Variants in SLC35F3 observed in about 807,000 individuals in gnomAD.
SLC35F3 encodes solute carrier family 35 member F3, also known as putative thiamine transporter SLC35F3.
In SLC35F3, 25 loss-of-function variants were observed where a neutral mutation model predicts 49.9. The observed-to-expected ratio is 0.50, with a 90% CI of 0.37 to 0.70. The LOEUF is 0.70. Ranked by LOEUF, SLC35F3 falls within the 30% of genes least tolerant of loss-of-function variation. The probability of loss-of-function intolerance (pLI) is 0.00; values close to 1 mark genes in which losing one functional copy is unlikely to be tolerated. For missense variants in SLC35F3, 525 were observed against 639.8 expected, an observed-to-expected ratio of 0.82 and a Z score of 1.94; for synonymous variants, 275 against 265.4, an observed-to-expected ratio of 1.04 and a Z score of -0.35.
chr1:233,971,957 C>G (rs1316806710), intron 2 of SLC35F3, among the ~76,000 whole-genome samples: 1 of 152,244 alleles, frequency 6.6e-6, no homozygotes, highest in Non-Finnish European at 1.5e-5. Flanking sequence ...AGCGTGCTGG[C>G]CTGCACAATG....
intron 2 of SLC35F3, among the ~76,000 whole-genome samples, chr1:234,090,442 A>G (rs1016029533): frequency 6.6e-6 from 1 of 152,266 alleles, no homozygotes; most frequent in Admixed American, 6.5e-5. Flanking sequence ...TTTTTTATTC[A>G]CAAGGCTGCA....
chr1:234,299,403 G>A (rs775865618), intron 3 of SLC35F3, among the ~76,000 whole-genome samples: 1 of 152,138 alleles, frequency 6.6e-6, no homozygotes, highest in Admixed American at 6.5e-5. Flanking sequence ...TGACTAGTAT[G>A]AACCAGTCAA....
At chr1:234,293,204 C>T (rs1480418258) in intron 3 of SLC35F3, among the ~76,000 whole-genome samples, 1 of 152,222 alleles carries the variant, frequency 6.6e-6, no homozygotes, top group Non-Finnish European at 1.5e-5. Context: ...TGTCCATAGA[C>T]TCCAAGTGCA....
intron 2 of SLC35F3, among the ~76,000 whole-genome samples, chr1:234,033,509 AT>A (rs1203568970): frequency 3.3e-5 from 5 of 152,178 alleles, no homozygotes; most frequent in African/African-American, 1.2e-4. Flanking sequence ...TAAGTCTTTG[AT>A]CCATCTCGAG....
chr1:233,905,162 C>T, intron 1 of SLC35F3, 32 bp downstream of exon 1: 2 of 1,549,518 alleles, frequency 1.3e-6, no homozygotes, highest in Middle Eastern at 1.7e-4. Context: ...GGTGAGCGAG[C>T]CGGCGGGCGG....
intron 2 of SLC35F3, among the ~76,000 whole-genome samples, chr1:234,058,985 G>A (rs1664498116): frequency 6.6e-6 from 1 of 151,982 alleles, no homozygotes; most frequent in Non-Finnish European, 1.5e-5. Context: ...ATTCCCTTAT[G>A]ATACTTTATA....
chr1:234,233,298 T>C (rs887924780), intron 3 of SLC35F3, among the ~76,000 whole-genome samples: 1 of 152,276 alleles, frequency 6.6e-6, no homozygotes, highest in African/African-American at 2.4e-5. Flanking sequence ...TCATTAAAAC[T>C]GATTAGGATG....
intron 2 of SLC35F3, among the ~76,000 whole-genome samples, chr1:234,052,207 G>T (rs931119164): frequency 6.6e-6 from 1 of 152,166 alleles, no homozygotes; most frequent in Non-Finnish European, 1.5e-5. Context: ...AGTTTCAGAA[G>T]GAATGGTACC....
At chr1:234,248,286 GTTTGGTGGGTTGGTTGGTTGGTC>G in intron 3 of SLC35F3, among the ~76,000 whole-genome samples, 8 of 148,356 alleles carry the variant, frequency 5.4e-5, no homozygotes, top group Non-Finnish European at 8.9e-5. Flanking sequence ...CTGGTCCATT[GTTTGGTGGGTTGGTTGGTTGGTC>G]CATTGTTTGG....
intron 3 of SLC35F3, among the ~76,000 whole-genome samples, chr1:234,260,455 C>G (rs570632925): frequency 8.5e-5 from 13 of 152,234 alleles, no homozygotes; most frequent in African/African-American, 3.1e-4. Flanking sequence ...GCAGAAGTCA[C>G]CTGGGGAGCT....
At chr1:233,945,514 C>T (rs995798101) in intron 2 of SLC35F3, among the ~76,000 whole-genome samples, 3 of 152,090 alleles carry the variant, frequency 2.0e-5, no homozygotes, top group African/African-American at 7.2e-5. Context: ...TCATGGTATC[C>T]ACAGCATCTG....
Position 234,323,359 on chromosome 1 carries a change from A to G in SLC35F3, c.*116A>G, listed in dbSNP as rs1657679000. 6 of 833,214 alleles carry G rather than the reference A, an allele frequency of 7.2e-6. No homozygotes were observed. The Admixed American group carries it at 1.1e-4, about 15-fold the overall frequency. The allele number at this position is 833,214 out of a possible 1,614,324, so 51.6% of individuals were successfully genotyped here. A position where few individuals can be genotyped will look rare whatever the true frequency, so the allele number is the denominator to read the frequency against. ...GTTTTGGTCATCTGCGGTAAGTTCT[A>G]TGGTATTTATTGGCATGTCCAATTT... On this transcript the variant is annotated 3_prime_UTR_variant, in exon 8 of 8. Coordinates refer to ENST00000366618, the MANE Select transcript of SLC35F3 (RefSeq NM_173508.4). This position sits in a 1 kb window ranked among gnomAD's most constrained non-coding sequence, Gnocchi z 4.5.
intron 3 of SLC35F3, among the ~76,000 whole-genome samples, chr1:234,288,595 C>CA (rs1668459345): frequency 6.6e-6 from 1 of 152,186 alleles, no homozygotes; most frequent in Non-Finnish European, 1.5e-5. Context: ...AAGGGTATGG[C>CA]AAGAAAGAAA....
intron 2 of SLC35F3, among the ~76,000 whole-genome samples, chr1:234,152,847 A>G (rs1194981298): frequency 1.3e-5 from 2 of 152,178 alleles, no homozygotes; most frequent in East Asian, 3.8e-4. Flanking sequence ...CCCACCAACA[A>G]TGTAAAAGCG....
At chr1:234,000,734 C>A (rs1663537825) in intron 2 of SLC35F3, among the ~76,000 whole-genome samples, 1 of 152,136 alleles carries the variant, frequency 6.6e-6, no homozygotes, top group South Asian at 2.1e-4. Flanking sequence ...TGGGAGTTAG[C>A]ACATTGTCGA....
intron 2 of SLC35F3, among the ~76,000 whole-genome samples, chr1:234,059,661 GAC>G (rs1664511505): frequency 1.3e-5 from 2 of 151,184 alleles, no homozygotes; most frequent in Non-Finnish European, 2.9e-5. Flanking sequence ...CATAGACATA[GAC>G]ATAGACATAG....
At chr1:233,911,432 G>A (rs147173650) in intron 2 of SLC35F3, among the ~76,000 whole-genome samples, 238 of 152,312 alleles carry the variant, frequency 1.6e-3, no homozygotes, top group Middle Eastern at 6.8e-3. Context: ...TGAGGGGGTG[G>A]TGAGTTGAGC....
chr1:234,096,209 C>T (rs1352973535), intron 2 of SLC35F3, among the ~76,000 whole-genome samples: 1 of 152,212 alleles, frequency 6.6e-6, no homozygotes, highest in African/African-American at 2.4e-5. Context: ...TTTTCCTGTA[C>T]TCCTTTATCT....
At chr1:233,974,152 A>G in intron 2 of SLC35F3, among the ~76,000 whole-genome samples, 1 of 138,680 alleles carries the variant, frequency 7.2e-6, no homozygotes, top group East Asian at 2.1e-4. Context: ...AGACTATTAC[A>G]TTCCAGGATG....
Sources: allele counts gnomAD v4.1 joint callset (sites outside exome capture counted in the v4.1 genomes callset), GRCh38; gene constraint gnomAD v4.1.1; non-coding constraint Gnocchi (gnomAD v3.1); transcripts MANE v1.5; gene names NCBI Gene and HGNC (gene_info 2026-07-23, HGNC 2026-07-21).